Variants in GSE1 observed in about 807,000 individuals in gnomAD.
GSE1 encodes Gse1 coiled-coil protein, also known as genetic suppressor element 1.
In GSE1, 32 loss-of-function variants were observed where a neutral mutation model predicts 112.6. The observed-to-expected ratio is 0.28, with a 90% CI of 0.21 to 0.38. GSE1 has a LOEUF of 0.38. Among genes scored for constraint, GSE1 ranks in the 10% least tolerant of loss-of-function variants. GSE1 has a pLI of 1.00. For missense variants in GSE1, 2,348 were observed against 1,699.2 expected (o/e 1.38, Z -6.71); for synonymous variants, 1,115 against 735.6 (o/e 1.52, Z -8.35).
intron 2 of GSE1, among the ~76,000 whole-genome samples, chr16:85,365,961 A>G (rs7200027): frequency 0.25 from 37,494 of 152,250 alleles, 5,571 homozygotes; most frequent in Middle Eastern, 0.34. Context: ...CAGAGTCCAC[A>G]TCAGATGCTT....
At chr16:85,511,406 T>C (rs1386394199) in intron 2 of GSE1, among the ~76,000 whole-genome samples, 1 of 151,794 alleles carries the variant, frequency 6.6e-6, no homozygotes, top group Non-Finnish European at 1.5e-5. Flanking sequence ...TGCATGGCTG[T>C]AATCCCAGCT....
At chr16:85,439,566 C>T (rs2049328720) in intron 2 of GSE1, among the ~76,000 whole-genome samples, 1 of 151,928 alleles carries the variant, frequency 6.6e-6, no homozygotes, top group South Asian at 2.1e-4. Context: ...ACACCCCAGG[C>T]GTCACACTGA....
chr16:85,654,537 C>T (rs370348198), intron 4 of GSE1, 87 bp downstream of exon 4: 18 of 1,174,514 alleles, frequency 1.5e-5, no homozygotes, highest in South Asian at 1.0e-4. Flanking sequence ...CTGCGGTCTG[C>T]ACAGATGAGG....
At chr16:85,403,116 C>T (rs1270606359) in intron 2 of GSE1, among the ~76,000 whole-genome samples, 1 of 151,810 alleles carries the variant, frequency 6.6e-6, no homozygotes, top group Non-Finnish European at 1.5e-5. Flanking sequence ...TTCCTCTGGG[C>T]CGTGGGATAG....
chr16:85,311,292 A>C lies in GSE1; in HGVS notation c.2284-46171A>C, dbSNP rs1186878880. Among the ~76,000 whole-genome samples, 1 of 152,224 alleles carries C rather than the reference A, an allele frequency of 6.6e-6. No individual in the cohort carries two copies. Among genetic ancestry groups the C allele is most frequent in the Non-Finnish European group, 1.5e-5 (1 of 68,036 alleles). ...GAGAGGGTGTGCCATCCTCTCTGCCAGGCAGCGGGCTCCCTGGACAGGGTG... is the reference window on the plus strand; with the variant it reads ...GAGAGGGTGTGCCATCCTCTCTGCCCGGCAGCGGGCTCCCTGGACAGGGTG... On this transcript the variant is annotated intron_variant, in intron 1 of 2. Coordinates refer to the GSE1 transcript ENST00000637419. This position sits in a 1 kb window ranked among gnomAD's most constrained non-coding sequence, Gnocchi z 4.2.
Position 85,672,495 on chromosome 16 carries a change from G to A in GSE1, c.3610G>A (p.Ala1204Thr). Residue 1204 changes from alanine to threonine, a missense_variant, in exon 16 of 16, where the codon GCA (alanine) becomes ACA (threonine). Coordinates refer to ENST00000253458, the MANE Select transcript of GSE1 (RefSeq NM_014615.5). ...CTTACGAAAGTGCCTTGCCTTGCCT[G>A]CAATGCACTGGCCTAGGGGCTACCT... is the stretch of plus-strand genomic sequence containing the variant. ...DHLRKCLALP[A>T]MHWPRGYLKG... is the part of the protein sequence containing the mutation. 2 of 1,612,966 alleles carry A rather than the reference G, an allele frequency of 1.2e-6. No individual in the cohort carries two copies. The highest frequency in any genetic ancestry group is 1.7e-6 in the Non-Finnish European group (2 of 1,179,064).
chr16:85,559,658 GCCTCTC>G (rs1350582813), intron 1 of GSE1, among the ~76,000 whole-genome samples: 2 of 34,434 alleles, frequency 5.8e-5, no homozygotes, highest in African/African-American at 2.0e-4. Flanking sequence ...GTCAGGCTCT[GCCTCTC>G]CTGAGCTGTG....
At chr16:85,459,199 A>C (rs1223518086) in intron 2 of GSE1, among the ~76,000 whole-genome samples, 1 of 152,094 alleles carries the variant, frequency 6.6e-6, no homozygotes, top group East Asian at 1.9e-4. Context: ...TAGAACAACC[A>C]CCGTGCCAAT....
intron 1 of GSE1, among the ~76,000 whole-genome samples, chr16:85,627,889 G>A (rs1017386581): frequency 6.6e-6 from 1 of 152,182 alleles, no homozygotes; most frequent in Non-Finnish European, 1.5e-5. Context: ...TGTCCCCCAC[G>A]GACACCTTGG....
intron 2 of GSE1, among the ~76,000 whole-genome samples, chr16:85,413,301 C>A (rs1440855045): frequency 6.6e-6 from 1 of 152,154 alleles, no homozygotes; most frequent in East Asian, 1.9e-4. Flanking sequence ...AAGCCAAGAG[C>A]TGAGTAGCTT....
intron 2 of GSE1, among the ~76,000 whole-genome samples, chr16:85,448,149 G>A (rs1367131845): frequency 6.6e-6 from 1 of 152,216 alleles, no homozygotes; most frequent in East Asian, 1.9e-4. Context: ...GGAAAAGGAT[G>A]TGCAGACTTG....
At chr16:85,315,851 A>G (rs1295084110) in intron 1 of GSE1, among the ~76,000 whole-genome samples, 1 of 152,188 alleles carries the variant, frequency 6.6e-6, no homozygotes, top group Admixed American at 6.5e-5. Flanking sequence ...AAGGCTTCGG[A>G]GCAAACCCAG....
intron 1 of GSE1, among the ~76,000 whole-genome samples, chr16:85,556,807 C>T (rs2045247426): frequency 6.9e-6 from 1 of 144,654 alleles, no homozygotes; most frequent in Non-Finnish European, 1.5e-5. Flanking sequence ...AACCCCCTTG[C>T]GCGGTCTCGG....
intron 2 of GSE1, among the ~76,000 whole-genome samples, chr16:85,360,581 G>A (rs1407688878): frequency 6.6e-6 from 1 of 152,152 alleles, no homozygotes; most frequent in Non-Finnish European, 1.5e-5. Context: ...CGGCAGGCGG[G>A]CGGGCGCTGT....
chr16:85,641,343 G>A (rs1169965433), intron 2 of GSE1, among the ~76,000 whole-genome samples: 3 of 152,188 alleles, frequency 2.0e-5, no homozygotes, highest in East Asian at 3.9e-4. Flanking sequence ...CTAGAAACCC[G>A]CACCTCCCGC....
At position 85,661,405 on chromosome 16, in the gene GSE1, G is replaced by A. The variant is rs1357411303; in HGVS notation, c.1900G>A (p.Ala634Thr). Residue 634 changes from alanine to threonine, a missense_variant, in exon 9 of 16, where the codon GCA becomes ACA. Physicochemically the swap from Ala to Thr is moderately conservative, Grantham distance 58. Transcript: ENST00000253458. Reference protein sequence around the residue: ...KVERVFCPEKAEEGPRKREPA... With the variant: ...KVERVFCPEKTEEGPRKREPA... The stretch of plus-strand genomic sequence containing the variant: ...GGAGCGGGTCTTCTGCCCGGAGAAA[G>A]CAGAGGAGGGGCCACGGAAGCGTGA... 2 of 1,612,312 alleles carry A rather than the reference G, an allele frequency of 1.2e-6. No homozygotes were observed. Among genetic ancestry groups the A allele is most frequent in the South Asian group, 1.1e-5 (1 of 91,052 alleles).
At chr16:85,320,458 G>C (rs551268949) in intron 1 of GSE1, among the ~76,000 whole-genome samples, 1 of 151,876 alleles carries the variant, frequency 6.6e-6, no homozygotes, top group African/African-American at 2.4e-5. Flanking sequence ...GTTTTGTTTT[G>C]TTTTGTTTTG....
chr16:85,216,786 G>A (rs2075312933), intron 1 of GSE1, among the ~76,000 whole-genome samples: 1 of 152,220 alleles, frequency 6.6e-6, no homozygotes, highest in Non-Finnish European at 1.5e-5. Flanking sequence ...GCCTTGGGCT[G>A]TTTCTGGGGC....
chr16:85,653,846 A>G (rs537295411), intron 3 of GSE1, among the ~76,000 whole-genome samples: 2 of 152,156 alleles, frequency 1.3e-5, no homozygotes, highest in Non-Finnish European at 2.9e-5. Context: ...TCTTGGCTAC[A>G]TCGTGGCACT....
Sources: allele counts gnomAD v4.1 joint callset (sites outside exome capture counted in the v4.1 genomes callset), GRCh38; gene constraint gnomAD v4.1.1; non-coding constraint Gnocchi (gnomAD v3.1); transcripts MANE v1.5; gene names NCBI Gene and HGNC (gene_info 2026-07-23, HGNC 2026-07-21).